The following DOCK10 variants were observed in gnomAD, a reference collection of about 807,000 sequenced individuals.
The protein encoded by DOCK10 is dedicator of cytokinesis protein 10.
DOCK10 carries 145 observed loss-of-function variants against 280.1 expected under a neutral mutation model. The ratio of observed to expected loss-of-function variants is 0.52; its 90% CI spans 0.45 to 0.59. The LOEUF is 0.59. DOCK10 is among the 20% of genes least tolerant of loss of function. The pLI, the probability that DOCK10 is intolerant of heterozygous loss-of-function variation, is 0.00. For missense variants in DOCK10, 2,368 were observed against 2,651.7 expected, an observed-to-expected ratio of 0.89 and a Z score of 2.35; for synonymous variants, 915 against 942.2, an observed-to-expected ratio of 0.97 and a Z score of 0.53.
intron 14 of DOCK10, chr2:224,860,751 G>C (rs1697449518): frequency 6.6e-6 from 1 of 151,740 alleles, no homozygotes; most frequent in Non-Finnish European, 1.5e-5. Flanking sequence ...TTTTTTAAAA[G>C]TTGTTTTTAG....
intron 1 of DOCK10, among the ~76,000 whole-genome samples, chr2:224,965,610 A>G (rs1447514836): frequency 6.6e-6 from 1 of 152,192 alleles, no homozygotes; most frequent in East Asian, 1.9e-4. Flanking sequence ...TTGTTGTGAT[A>G]TCTTCTTAAA....
chr2:224,873,594 C>CAAAAAAAAA (rs35401247), intron 11 of DOCK10, among the ~76,000 whole-genome samples: 3 of 33,662 alleles, frequency 8.9e-5, no homozygotes, highest in African/African-American at 2.1e-4. Flanking sequence ...AAGACCATCT[C>CAAAAAAAAA]AAAAAAAAAA....
rs60658292 is a variant in DOCK10, at chr2:224,855,064, GACACACAC to G, written c.1809-30_1809-23del. On this transcript the variant is annotated intron_variant, in intron 15 of 55. Coordinates refer to ENST00000258390, the MANE Select transcript of DOCK10 (RefSeq NM_014689.3). ...GGCCCTGTAAGAGTGCATGAGCAAG[GACACACAC>G]ACACACACACACACACACACACACA... The G allele has an allele frequency of 8.1e-4, 467 of 575,512 alleles. 1 individual carries two copies. The highest frequency in any genetic ancestry group is 3.1e-3 in the Admixed American group (104 of 33,764). The allele number at this position is 575,512 out of a possible 1,614,324, so 35.7% of individuals were successfully genotyped here. A position where few individuals can be genotyped will look rare whatever the true frequency, so the allele number is the denominator to read the frequency against.
intron 47 of DOCK10, among the ~76,000 whole-genome samples, chr2:224,791,233 A>C (rs1692172730): frequency 6.6e-6 from 1 of 152,218 alleles, no homozygotes; most frequent in South Asian, 2.1e-4. Context: ...TCTGGTTATG[A>C]TAAGCAATAG....
At chr2:224,985,366 A>G (rs1705944603) in intron 1 of DOCK10, among the ~76,000 whole-genome samples, 1 of 151,366 alleles carries the variant, frequency 6.6e-6, no homozygotes, top group South Asian at 2.1e-4. Context: ...TTAATTATAT[A>G]TTATATTATA....
intron 30 of DOCK10, among the ~76,000 whole-genome samples, chr2:224,815,882 C>T (rs1292696280): frequency 1.3e-5 from 2 of 151,530 alleles, no homozygotes; most frequent in Non-Finnish European, 2.9e-5. Context: ...CTAAAAATAC[C>T]AAAATTAGCC....
At chr2:224,772,051 G>C (rs1690483301) in intron 53 of DOCK10, among the ~76,000 whole-genome samples, 1 of 151,900 alleles carries the variant, frequency 6.6e-6, no homozygotes, top group Non-Finnish European at 1.5e-5. Flanking sequence ...CTCCCAACTA[G>C]CTGGGATTAC....
intron 45 of DOCK10, 97 bp downstream of exon 45, chr2:224,794,782 A>G (rs1692440639): frequency 8.5e-7 from 1 of 1,178,034 alleles, no homozygotes. Context: ...GTTGAAAAAC[A>G]TGGCATCCTT....
In DOCK10 at chr2:224,876,158, C is replaced by T. The variant is rs868535136; in HGVS notation, c.811G>A (p.Ala271Thr). ...TCCATATCTGACTCTGTTTCAGCTG[C>T]CAGCACAAAATAGGTCAGATCATTC... ...KMNDLTYFVL[A>T]AETESDMDEW... The change falls in exon 8 of 56, where the codon GCA (alanine) becomes ACA (threonine). Residue 271 changes from alanine to threonine, a missense_variant. Transcript: ENST00000258390. 1.2e-6 allele frequency: 2 copies of T among 1,613,816 alleles called. No individual in the cohort carries two copies. Among genetic ancestry groups the T allele is most frequent in the Non-Finnish European group, 1.7e-6 (2 of 1,179,818 alleles).
intron 2 of DOCK10, among the ~76,000 whole-genome samples, chr2:224,918,689 T>C (rs1235342703): frequency 2.7e-5 from 4 of 150,758 alleles, no homozygotes; most frequent in African/African-American, 7.3e-5. Flanking sequence ...TTTGGGTCTG[T>C]GAGCATGTGC....
At chr2:224,921,327 A>G (rs62187983) in intron 2 of DOCK10, among the ~76,000 whole-genome samples, 34,738 of 149,714 alleles carry the variant, frequency 0.23, 4,495 homozygotes, top group Non-Finnish European at 0.28. Context: ...AATAATACTA[A>G]CGTGAACACT....
chr2:224,997,324 C>A (rs750645210), intron 1 of DOCK10, among the ~76,000 whole-genome samples: 1 of 151,886 alleles, frequency 6.6e-6, no homozygotes, highest in Non-Finnish European at 1.5e-5. Context: ...CTCTGCCTCC[C>A]GGGTTCATGT....
At position 225,042,433 on chromosome 2, in the gene DOCK10, C is replaced by T. The variant is rs397052; in HGVS notation, c.-59G>A. 0.45 allele frequency: 547,935 copies of T among 1,224,962 alleles called. 127,902 individuals are homozygous for T. Among genetic ancestry groups the T allele is most frequent in the East Asian group, 0.57 (17,462 of 30,504 alleles). 75.9% of individuals were successfully genotyped at this position (1,224,962 alleles called of 1,614,324 possible). ...GCGCGCCTCCCGCCGGTCTTCCCCGCGCCAACCTTCTCTATCCACCCGCCG... is the reference window on the plus strand; with the variant it reads ...GCGCGCCTCCCGCCGGTCTTCCCCGTGCCAACCTTCTCTATCCACCCGCCG... On this transcript the variant is annotated 5_prime_UTR_variant, in exon 1 of 56. Coordinates refer to ENST00000258390, the MANE Select transcript of DOCK10 (RefSeq NM_014689.3). The surrounding 1 kb of genome is among the most constrained non-coding windows in gnomAD (Gnocchi z 5.1).
At chr2:224,951,133 A>G (rs374942358) in intron 1 of DOCK10, among the ~76,000 whole-genome samples, 1 of 152,224 alleles carries the variant, frequency 6.6e-6, no homozygotes, top group East Asian at 1.9e-4. Flanking sequence ...CCAGCAAGGT[A>G]TTTGACTTAT....
intron 19 of DOCK10, 110 bp downstream of exon 19, chr2:224,849,397 T>C (rs1696577589): frequency 4.4e-6 from 3 of 679,724 alleles, no homozygotes; most frequent in East Asian, 5.5e-5. Context: ...TGCCAAGGCA[T>C]GTCCTTAGTC....
intron 1 of DOCK10, among the ~76,000 whole-genome samples, chr2:224,942,400 T>A (rs1248781739): frequency 6.6e-6 from 1 of 152,234 alleles, no homozygotes; most frequent in Non-Finnish European, 1.5e-5. Context: ...ACCTGTCCAT[T>A]TCCAACATTC....
rs12465538 is a variant in DOCK10 at position 224,946,994 on chromosome 2, A to G, written c.124-15326T>C. On this transcript the variant is annotated intron_variant, in intron 1 of 55. Transcript: ENST00000258390. ...AGTCACAAAATATTTCAAAATATCA[A>G]TGTCGTTAAACTCTTCTCTTCTGAA... is the stretch of plus-strand genomic sequence containing the variant. The G allele has an allele frequency of 3.3e-5, 50 of 1,520,798 alleles. No homozygotes were observed. In the Admixed American group the frequency reaches 3.5e-4, roughly 11 times the overall value. 94.2% of individuals were successfully genotyped at this position (1,520,798 alleles called of 1,614,324 possible). A position where few individuals can be genotyped will look rare whatever the true frequency, so the allele number is the denominator to read the frequency against.
chr2:224,959,066 C>T (rs919228495), intron 1 of DOCK10, among the ~76,000 whole-genome samples: 1 of 152,158 alleles, frequency 6.6e-6, no homozygotes, highest in Admixed American at 6.5e-5. Flanking sequence ...CTTTGGTTGG[C>T]ATTAGGGAAC....
chr2:224,931,630 C>A lies in DOCK10; in HGVS notation c.162G>T (p.Glu54Asp). ...TCTTTTCAAGTTCTTCAATGACAGTCTCATAATCCAAAGGCTCGAGAAGCC... is the reference window on the plus strand; with the variant it reads ...TCTTTTCAAGTTCTTCAATGACAGTATCATAATCCAAAGGCTCGAGAAGCC... ...KPRLLEPLDY[E>D]TVIEELEKTY... Residue 54 changes from glutamate to aspartate, a missense_variant, in exon 2 of 56, where the codon GAG becomes GAT. Coordinates refer to ENST00000258390, the MANE Select transcript of DOCK10 (RefSeq NM_014689.3). 6.2e-7 allele frequency: 1 copy of A among 1,611,032 alleles called. No individual in the cohort carries two copies. The highest frequency in any genetic ancestry group is 8.5e-7 in the Non-Finnish European group (1 of 1,178,590).
Sources: gnomAD v4.1 joint callset for allele counts (sites outside exome capture counted in the v4.1 genomes callset) on GRCh38, gnomAD v4.1.1 for gene constraint, Gnocchi (gnomAD v3.1) non-coding constraint, MANE v1.5 for transcripts, NCBI Gene and HGNC (gene_info 2026-07-23, HGNC 2026-07-21) for gene names.